STAM: variants seen among roughly 807,000 people sequenced by gnomAD.
STAM encodes the protein signal transducing adapter molecule 1.
A neutral mutation model predicts 63.4 loss-of-function variants in STAM; 16 were observed. That is an observed-to-expected ratio of 0.25 (90% CI 0.17 to 0.38). STAM has a LOEUF of 0.38. Ranked by LOEUF, STAM falls within the 10% of genes least tolerant of loss-of-function variation. The pLI is 1.00. For synonymous variants in STAM, 238 were observed against 223.9 expected, an observed-to-expected ratio of 1.06 and a Z score of -0.56; for missense variants, 636 against 657.1, an observed-to-expected ratio of 0.97 and a Z score of 0.35.
At chr10:17,646,525 G>T (rs1030659236) in intron 1 of STAM, among the ~76,000 whole-genome samples, 1 of 152,166 alleles carries the variant, frequency 6.6e-6, no homozygotes, top group South Asian at 2.1e-4. Context: ...TGCTACATAG[G>T]AGGTGTTTAA....
chr10:17,672,217 A>C (rs1047805820), intron 2 of STAM, among the ~76,000 whole-genome samples: 2 of 152,244 alleles, frequency 1.3e-5, no homozygotes, highest in African/African-American at 4.8e-5. Flanking sequence ...TAGATCTCTC[A>C]TAACTGTACA....
chr10:17,708,011 C>T (rs1836375231), intron 12 of STAM, among the ~76,000 whole-genome samples: 1 of 152,090 alleles, frequency 6.6e-6, no homozygotes, highest in Non-Finnish European at 1.5e-5. Flanking sequence ...CTGCCTCAGC[C>T]TCCCGAGTAG....
intron 9 of STAM, among the ~76,000 whole-genome samples, chr10:17,701,604 T>C (rs1836000343): frequency 6.6e-6 from 1 of 152,236 alleles, no homozygotes; most frequent in Admixed American, 6.5e-5. Flanking sequence ...CAGAAAAAGT[T>C]TGCTTGGCCC....
chr10:17,709,503 G>T (rs781998051), intron 13 of STAM, among the ~76,000 whole-genome samples: 18 of 152,242 alleles, frequency 1.2e-4, no homozygotes, highest in South Asian at 6.2e-4. Flanking sequence ...GATGACAGAG[G>T]CCCATTTACT....
At position 17,715,799 on chromosome 10, in the gene STAM, A is replaced by G. The variant is rs1425721667; in HGVS notation, c.*1019A>G. 6.6e-6 allele frequency: 1 copy of G among 152,638 alleles called. No individual in the cohort carries two copies. Among genetic ancestry groups the G allele is most frequent in the African/African-American group, 2.4e-5 (1 of 41,468 alleles). 9.5% of individuals were successfully genotyped at this position (152,638 alleles called of 1,614,324 possible). On this transcript the variant is annotated 3_prime_UTR_variant, in exon 14 of 14. Coordinates refer to ENST00000377524, the MANE Select transcript of STAM (RefSeq NM_003473.4). ...TCTCTTGTAATTATTTGGGATATCA[A>G]CAAAATTTGATTCGTCTGTCTAATC...
intron 1 of STAM, among the ~76,000 whole-genome samples, chr10:17,646,579 C>G (rs1217920492): frequency 6.6e-6 from 1 of 152,160 alleles, no homozygotes; most frequent in African/African-American, 2.4e-5. Context: ...GCCTGCCAGA[C>G]ATTATACTTC....
intron 11 of STAM, 109 bp from the exon 12 acceptor site, chr10:17,705,479 G>A: frequency 8.0e-7 from 1 of 1,242,466 alleles, no homozygotes; most frequent in Non-Finnish European, 1.1e-6. Context: ...TTTTAATAAT[G>A]TCTACTAGTA....
Position 17,704,531 on chromosome 10 carries a change from T to C in STAM, c.1000+13T>C, listed in dbSNP as rs570325611. 1.1e-4 allele frequency: 173 copies of C among 1,607,014 alleles called. No homozygotes were observed. Among genetic ancestry groups the C allele is most frequent in the Non-Finnish European group, 1.4e-4 (164 of 1,173,714 alleles). On this transcript the variant is annotated intron_variant, in intron 10 of 13. Coordinates refer to ENST00000377524, the MANE Select transcript of STAM (RefSeq NM_003473.4). Reference sequence around the variant, plus strand: ...CTTCATCTTGAAGGTAAAACTTTTCTATTTACCTTGCAAATAAAGAGTAGT... The same window carrying C: ...CTTCATCTTGAAGGTAAAACTTTTCCATTTACCTTGCAAATAAAGAGTAGT...
chr10:17,682,632 T>C (rs1835132589), intron 2 of STAM, among the ~76,000 whole-genome samples: 1 of 152,224 alleles, frequency 6.6e-6, no homozygotes, highest in Non-Finnish European at 1.5e-5. Flanking sequence ...CTTTAGTCCT[T>C]TTAAATTTAT....
intron 5 of STAM, 25 bp from the exon 6 acceptor site, chr10:17,693,197 A>G (rs1395403559): frequency 1.2e-6 from 2 of 1,607,570 alleles, no homozygotes; most frequent in Non-Finnish European, 1.7e-6. Flanking sequence ...CAACCCTCAA[A>G]TACTGTGTTC....
intron 2 of STAM, among the ~76,000 whole-genome samples, chr10:17,662,229 A>G (rs1426544677): frequency 6.6e-6 from 1 of 151,972 alleles, no homozygotes; most frequent in Non-Finnish European, 1.5e-5. Context: ...TCCCTCCTGT[A>G]TAACATTCAT....
At chr10:17,659,134 C>T (rs1554822530) in intron 1 of STAM, among the ~76,000 whole-genome samples, 2 of 150,956 alleles carry the variant, frequency 1.3e-5, no homozygotes, top group East Asian at 1.9e-4. Flanking sequence ...TTAGTAATTG[C>T]CTAAGAGTTT....
At chr10:17,660,425 G>A (rs2131582465) in intron 1 of STAM, 39 bp from the exon 2 acceptor site, 1 of 1,390,098 alleles carries the variant, frequency 7.2e-7, no homozygotes, top group Non-Finnish European at 9.9e-7. Context: ...TTAAAGATTT[G>A]AAAAATAATG....
intron 2 of STAM, among the ~76,000 whole-genome samples, chr10:17,665,134 G>C (rs528396234): frequency 6.6e-6 from 1 of 150,842 alleles, no homozygotes; most frequent in East Asian, 2.0e-4. Context: ...TCAGAACTGT[G>C]ACCAGGAAAC....
chr10:17,676,518 C>T (rs782346776), intron 2 of STAM, among the ~76,000 whole-genome samples: 10 of 152,146 alleles, frequency 6.6e-5, no homozygotes, highest in Non-Finnish European at 1.2e-4. Flanking sequence ...GAAGCTGCAA[C>T]GGTATAGAAA....
chr10:17,708,350 T>G (rs987234615), intron 12 of STAM, among the ~76,000 whole-genome samples: 13 of 152,218 alleles, frequency 8.5e-5, no homozygotes, highest in African/African-American at 3.1e-4. Context: ...GCTTGCTCTA[T>G]TGTTCAATAA....
At chr10:17,699,074 C>T (rs1426902156) in intron 8 of STAM, among the ~76,000 whole-genome samples, 1 of 152,114 alleles carries the variant, frequency 6.6e-6, no homozygotes, top group Non-Finnish European at 1.5e-5. Context: ...ACTTCATGTT[C>T]TCGGGGTAAA....
chr10:17,648,266 A>G (rs1833595947), intron 1 of STAM, among the ~76,000 whole-genome samples: 1 of 152,162 alleles, frequency 6.6e-6, no homozygotes, highest in African/African-American at 2.4e-5. Context: ...AAACGCACCA[A>G]TCAGTGCTCT....
At chr10:17,705,885 T>C (rs1173932275) in intron 12 of STAM, 144 bp downstream of exon 12, 14 of 611,568 alleles carry the variant, frequency 2.3e-5, no homozygotes, top group African/African-American at 7.8e-5. Context: ...CTGGGTAACA[T>C]AGTGAGACTC....
Sources: allele counts gnomAD v4.1 joint callset (sites outside exome capture counted in the v4.1 genomes callset), GRCh38; gene constraint gnomAD v4.1.1; transcripts MANE v1.5; gene names NCBI Gene and HGNC (gene_info 2026-07-23, HGNC 2026-07-21).